The following ZSWIM6 variants were observed in gnomAD, a reference collection of about 807,000 sequenced individuals.
The protein encoded by ZSWIM6 is zinc finger SWIM-type containing 6, also known as zinc finger SWIM domain-containing protein 6.
A neutral mutation model predicts 113.2 loss-of-function variants in ZSWIM6; 9 were observed. The ratio of observed to expected loss-of-function variants is 0.08; its 90% CI spans 0.05 to 0.14. The LOEUF (loss-of-function observed/expected upper bound fraction) is 0.14, where lower values mean the gene tolerates loss of function less well. ZSWIM6 is among the 10% of genes least tolerant of loss of function. The probability of loss-of-function intolerance (pLI) is 1.00; values close to 1 mark genes in which losing one functional copy is unlikely to be tolerated. For missense variants in ZSWIM6, 1,162 were observed against 1,552.2 expected (o/e 0.75, Z 4.22); for synonymous variants, 611 against 606.5 (o/e 1.01, Z -0.11).
At chr5:61,403,483 G>T (rs1167666178) in intron 1 of ZSWIM6, among the ~76,000 whole-genome samples, 2 of 152,178 alleles carry the variant, frequency 1.3e-5, no homozygotes, top group African/African-American at 4.8e-5. Flanking sequence ...TATGCAGCTA[G>T]CAACTTCAGC....
intron 4 of ZSWIM6, among the ~76,000 whole-genome samples, chr5:61,500,294 T>C (rs1748432142): frequency 6.6e-6 from 1 of 151,906 alleles, no homozygotes; most frequent in Admixed American, 6.6e-5. Flanking sequence ...ACCTGGCTAA[T>C]TTTTTGTATT....
At chr5:61,529,687 T>C (rs1171010873) in intron 7 of ZSWIM6, among the ~76,000 whole-genome samples, 3 of 152,242 alleles carry the variant, frequency 2.0e-5, no homozygotes, top group African/African-American at 7.2e-5. Context: ...GGGGGAGTTG[T>C]TCCTAATTTC....
intron 1 of ZSWIM6, among the ~76,000 whole-genome samples, chr5:61,368,698 A>G (rs766900157): frequency 1.3e-5 from 2 of 152,370 alleles, no homozygotes; most frequent in Admixed American, 6.5e-5. Flanking sequence ...CTGGCCAGCT[A>G]TCAAGAAAGG....
chr5:61,401,275 A>G (rs1205118312), intron 1 of ZSWIM6, among the ~76,000 whole-genome samples: 1 of 152,176 alleles, frequency 6.6e-6, no homozygotes, highest in Non-Finnish European at 1.5e-5. Context: ...AATTTCTTAC[A>G]TTAAGAAGGC....
chr5:61,505,598 T>TCTTCC, intron 4 of ZSWIM6, among the ~76,000 whole-genome samples: 2 of 139,372 alleles, frequency 1.4e-5, no homozygotes, highest in South Asian at 4.7e-4. Flanking sequence ...ATATCTATGA[T>TCTTCC]TTACCTTCCT....
intron 1 of ZSWIM6, among the ~76,000 whole-genome samples, chr5:61,450,228 C>A (rs986482477): frequency 3.3e-5 from 5 of 152,112 alleles, no homozygotes; most frequent in Non-Finnish European, 7.4e-5. Context: ...TCCCCTCCAA[C>A]AATCTGGCAG....
At chr5:61,375,003 A>T in intron 1 of ZSWIM6, 1 of 1,048,754 alleles carries the variant, frequency 9.5e-7, no homozygotes. Context: ...TAGGAACACT[A>T]TGAAAAAGAA....
At chr5:61,454,691 C>T (rs992192340) in intron 1 of ZSWIM6, among the ~76,000 whole-genome samples, 1 of 151,592 alleles carries the variant, frequency 6.6e-6, no homozygotes, top group Non-Finnish European at 1.5e-5. Context: ...AAGCAATTGT[C>T]CTGCCTCAGC....
intron 1 of ZSWIM6, among the ~76,000 whole-genome samples, chr5:61,389,762 G>A (rs189885281): frequency 6.6e-6 from 1 of 152,280 alleles, no homozygotes; most frequent in Admixed American, 6.5e-5. Context: ...CTGTGCAACT[G>A]TCAGTGTTGT....
At chr5:61,443,480 A>C (rs184229144) in intron 1 of ZSWIM6, among the ~76,000 whole-genome samples, 1 of 152,176 alleles carries the variant, frequency 6.6e-6, no homozygotes, top group African/African-American at 2.4e-5. Flanking sequence ...AGCCTAGTAC[A>C]GTTCTCTTGA....
chr5:61,536,070 G>A (rs1373172907), intron 10 of ZSWIM6, among the ~76,000 whole-genome samples: 1 of 152,180 alleles, frequency 6.6e-6, no homozygotes, highest in Non-Finnish European at 1.5e-5. Context: ...TCCCTGTATT[G>A]CCAAGGCACA....
At chr5:61,369,940 C>A (rs1561210717) in intron 1 of ZSWIM6, among the ~76,000 whole-genome samples, 1 of 151,982 alleles carries the variant, frequency 6.6e-6, no homozygotes, top group Non-Finnish European at 1.5e-5. Flanking sequence ...CAGATTTTAC[C>A]AAAAAACAAA....
chr5:61,520,473 C>T (rs1225461639), intron 4 of ZSWIM6, among the ~76,000 whole-genome samples: 1 of 152,010 alleles, frequency 6.6e-6, no homozygotes, highest in African/African-American at 2.4e-5. Context: ...ATTGCCTTTC[C>T]TTTGAAAAAC....
In ZSWIM6 at chr5:61,545,929, G is replaced by T. The variant is rs541369661; in HGVS notation, c.*1612G>T. On this transcript the variant is annotated 3_prime_UTR_variant, in exon 14 of 14. Coordinates refer to ENST00000252744, the MANE Select transcript of ZSWIM6 (RefSeq NM_020928.2). Reference sequence around the variant, plus strand: ...CCTTCACTAGAGAACATGCTTAGAGGTATGTTTGTAGGTATTTTTGTTTAG... The same window carrying T: ...CCTTCACTAGAGAACATGCTTAGAGTTATGTTTGTAGGTATTTTTGTTTAG... 5.0e-4 allele frequency: 76 copies of T among 152,042 alleles called. No individual in the cohort carries two copies. The highest frequency in any genetic ancestry group is 1.8e-3 in the African/African-American group (73 of 41,462). The allele number at this position is 152,042 out of a possible 1,614,324, so 9.4% of individuals were successfully genotyped here.
At chr5:61,466,376 A>G (rs1216416103) in intron 1 of ZSWIM6, among the ~76,000 whole-genome samples, 1 of 152,120 alleles carries the variant, frequency 6.6e-6, no homozygotes, top group Non-Finnish European at 1.5e-5. Flanking sequence ...AATTACAGAA[A>G]AACTCCTCAC....
intron 1 of ZSWIM6, among the ~76,000 whole-genome samples, chr5:61,411,530 CAT>C (rs746371245): frequency 1.1e-4 from 17 of 152,204 alleles, no homozygotes; most frequent in Non-Finnish European, 2.2e-4. Context: ...CTAGTTAACA[CAT>C]GTTTTGAAAT....
rs556022897 is a variant in ZSWIM6, at chr5:61,545,446, C to G, written c.*1129C>G. On this transcript the variant is annotated 3_prime_UTR_variant, in exon 14 of 14. Transcript: ENST00000252744. ...GGTTCGTGCCTCCTAGCCTAGGAAA[C>G]TTAAAAGAAATATCCTTTTGACACA... The G allele has an allele frequency of 6.6e-6, 1 of 152,136 alleles. No homozygotes were observed. Among genetic ancestry groups the G allele is most frequent in the African/African-American group, 2.4e-5 (1 of 41,510 alleles). 9.4% of individuals were successfully genotyped at this position (152,136 alleles called of 1,614,324 possible).
chr5:61,491,483 C>G (rs1287243796), intron 3 of ZSWIM6, among the ~76,000 whole-genome samples: 1 of 151,928 alleles, frequency 6.6e-6, no homozygotes, highest in Admixed American at 6.6e-5. Context: ...TAACATATCT[C>G]CTAAAACTGT....
intron 1 of ZSWIM6, among the ~76,000 whole-genome samples, chr5:61,364,547 T>A (rs1290837108): frequency 1.3e-5 from 2 of 152,228 alleles, no homozygotes; most frequent in Non-Finnish European, 2.9e-5. Flanking sequence ...TACTCATTAG[T>A]TTATGTCTTA....
Sources: gnomAD v4.1 joint callset for allele counts (sites outside exome capture counted in the v4.1 genomes callset) on GRCh38, gnomAD v4.1.1 for gene constraint, MANE v1.5 for transcripts, NCBI Gene and HGNC (gene_info 2026-07-23, HGNC 2026-07-21) for gene names.